Variants in PAPPA observed in about 807,000 individuals in gnomAD.
PAPPA encodes pappalysin-1.
A neutral mutation model predicts 164.0 loss-of-function variants in PAPPA; 60 were observed. That is an observed-to-expected ratio of 0.37 (90% CI 0.30 to 0.45). The LOEUF (loss-of-function observed/expected upper bound fraction) is 0.45, where lower values mean the gene tolerates loss of function less well. Ranked by LOEUF, PAPPA falls within the 20% of genes least tolerant of loss-of-function variation. The pLI, the probability that PAPPA is intolerant of heterozygous loss-of-function variation, is 1.00. For missense variants in PAPPA, 1,782 were observed against 2,087.3 expected (o/e 0.85, Z 2.85); for synonymous variants, 875 against 814.1 (o/e 1.07, Z -1.27).
chr9:116,231,804 C>T (rs553190706), intron 6 of PAPPA, among the ~76,000 whole-genome samples: 1 of 122,290 alleles, frequency 8.2e-6, no homozygotes, highest in African/African-American at 3.1e-5. Flanking sequence ...TATTGTTGCC[C>T]AGGCTGGAGT....
Position 116,187,631 on chromosome 9 carries a change from C to G in PAPPA, c.893C>G (p.Ser298Cys), listed in dbSNP as rs372065878. Residue 298 changes from serine (S) to cysteine (C), a missense_variant, in exon 2 of 22, where the codon TCC becomes TGC. Physicochemically the swap from Ser to Cys is moderately radical, Grantham distance 112. Transcript: ENST00000328252. This position sits in a 1 kb window ranked among gnomAD's most constrained non-coding sequence, Gnocchi z 4.2. ...ENWDNVKHAW[S>C]PMKDGSSPKV... ...TGGGACAATGTGAAGCATGCCTGGT[C>G]CCCCATGAAGGATGGCAGCAGCCCC... 6.2e-7 allele frequency: 1 copy of G among 1,614,174 alleles called. No individual in the cohort carries two copies. Among genetic ancestry groups the G allele is most frequent in the South Asian group, 1.1e-5 (1 of 91,086 alleles).
chr9:116,245,569 T>G (rs1285608019), intron 7 of PAPPA, among the ~76,000 whole-genome samples: 1 of 152,162 alleles, frequency 6.6e-6, no homozygotes, highest in African/African-American at 2.4e-5. Flanking sequence ...CAACAGGACT[T>G]GGTGATAGAT....
chr9:116,284,444 C>T (rs1432769242), intron 9 of PAPPA, among the ~76,000 whole-genome samples: 1 of 151,744 alleles, frequency 6.6e-6, no homozygotes, highest in East Asian at 1.9e-4. Flanking sequence ...CTTTCACCTA[C>T]TCTTTAAGTA....
intron 10 of PAPPA, among the ~76,000 whole-genome samples, chr9:116,324,009 T>G (rs530825142): frequency 6.6e-6 from 1 of 152,264 alleles, no homozygotes; most frequent in Admixed American, 6.5e-5. Context: ...AAAAGGCCTG[T>G]TTTGGTCTGT....
intron 6 of PAPPA, among the ~76,000 whole-genome samples, chr9:116,227,956 G>A (rs756506800): frequency 4.6e-4 from 70 of 152,082 alleles, no homozygotes; most frequent in South Asian, 2.1e-4. Flanking sequence ...TTCTTCTTCT[G>A]TTATTTCTTA....
chr9:116,314,666 C>A (rs1250133922), intron 10 of PAPPA, among the ~76,000 whole-genome samples: 4 of 152,174 alleles, frequency 2.6e-5, no homozygotes, highest in African/African-American at 9.7e-5. Flanking sequence ...ACGTTCCAGG[C>A]AGTATGGACC....
intron 5 of PAPPA, among the ~76,000 whole-genome samples, chr9:116,221,266 T>C (rs1320575356): frequency 6.6e-6 from 1 of 152,214 alleles, no homozygotes; most frequent in African/African-American, 2.4e-5. Context: ...CCAAGGTATT[T>C]GCATCTATTT....
chr9:116,366,325 T>C (rs887534705), intron 18 of PAPPA, among the ~76,000 whole-genome samples: 2 of 152,118 alleles, frequency 1.3e-5, no homozygotes, highest in Non-Finnish European at 2.9e-5. Context: ...AGCCTGGAAG[T>C]CAACTGTCTT....
At position 116,219,996 on chromosome 9, in the gene PAPPA, G is replaced by A. The variant is rs780953351; in HGVS notation, c.1978G>A (p.Asp660Asn). ...AGTCGCCAGAATGCACTGTTACCTGGACCTGGTCTACCAGGGCTGGCAGCC... is the reference window on the plus strand; with the variant it reads ...AGTCGCCAGAATGCACTGTTACCTGAACCTGGTCTACCAGGGCTGGCAGCC... The part of the protein sequence containing the change: ...NQVARMHCYL[D>N]LVYQGWQPSR... The change falls in exon 5 of 22, where the codon GAC becomes AAC. Residue 660 changes from aspartate (D) to asparagine (N), a missense_variant. Physicochemically the swap from Asp to Asn is conservative, Grantham distance 23. This residue lies in a region of PAPPA where 1,324 missense variants were observed against 1,656.9 expected (regional missense o/e 0.80). Coordinates refer to ENST00000328252, the MANE Select transcript of PAPPA (RefSeq NM_002581.5). 6.2e-7 allele frequency: 1 copy of A among 1,614,062 alleles called. No individual in the cohort carries two copies. The highest frequency in any genetic ancestry group is 8.5e-7 in the Non-Finnish European group (1 of 1,180,026).
At chr9:116,252,056 T>A (rs1166276466) in intron 7 of PAPPA, among the ~76,000 whole-genome samples, 1 of 152,196 alleles carries the variant, frequency 6.6e-6, no homozygotes, top group Non-Finnish European at 1.5e-5. Flanking sequence ...TAAAACAAAA[T>A]AACAAAGGCC....
chr9:116,198,900 C>T (rs1054551764), intron 2 of PAPPA, among the ~76,000 whole-genome samples: 4 of 152,014 alleles, frequency 2.6e-5, no homozygotes, highest in Non-Finnish European at 5.9e-5. Context: ...TATGAGGGAC[C>T]TCATACATGG....
At chr9:116,385,650 G>A (rs899104608) in intron 21 of PAPPA, among the ~76,000 whole-genome samples, 1 of 152,118 alleles carries the variant, frequency 6.6e-6, no homozygotes, top group Admixed American at 6.5e-5. Context: ...TTTCCTCCTT[G>A]TCTACCCACA....
In PAPPA at chr9:116,347,111, A is replaced by G; in HGVS notation, c.3866A>G (p.Asp1289Gly). 1.2e-6 allele frequency: 2 copies of G among 1,614,148 alleles called. No individual in the cohort carries two copies. The highest frequency in any genetic ancestry group is 8.5e-7 in the Non-Finnish European group (1 of 1,179,986). The change falls in exon 15 of 22, where the codon GAT becomes GGT. Residue 1289 changes from aspartate to glycine, a missense_variant. By Grantham distance (94) the Asp-to-Gly change is moderately conservative (BLOSUM62 -1). Transcript: ENST00000328252. This position sits in a 1 kb window ranked among gnomAD's most constrained non-coding sequence, Gnocchi z 4.5. ...GAGCCAGTCGACTGCAGCATCCCAG[A>G]TCACCATCAAGTCTATGCTGCCTCC... ...ACEPVDCSIP[D>G]HHQVYAASFS...
intron 21 of PAPPA, among the ~76,000 whole-genome samples, chr9:116,390,868 T>A (rs1180805929): frequency 6.6e-6 from 1 of 152,124 alleles, no homozygotes; most frequent in Non-Finnish European, 1.5e-5. Flanking sequence ...GTCAAAACCA[T>A]CACCACCATC....
At chr9:116,380,615 T>C (rs1846718565) in intron 20 of PAPPA, among the ~76,000 whole-genome samples, 1 of 152,246 alleles carries the variant, frequency 6.6e-6, no homozygotes, top group Admixed American at 6.5e-5. Context: ...TGTTTGTTTA[T>C]ACCCCACTGC....
In PAPPA at chr9:116,334,893, C is replaced by G; in HGVS notation, c.3430C>G (p.Leu1144Val). 6.2e-7 allele frequency: 1 copy of G among 1,613,984 alleles called. No individual in the cohort carries two copies. The highest frequency in any genetic ancestry group is 8.5e-7 in the Non-Finnish European group (1 of 1,179,902). The change falls in exon 13 of 22, where the codon CTG (leucine) becomes GTG (valine). Residue 1144 changes from leucine to valine, a missense_variant. This residue lies in a region of PAPPA where 1,324 missense variants were observed against 1,656.9 expected (regional missense o/e 0.80). Coordinates refer to ENST00000328252, the MANE Select transcript of PAPPA (RefSeq NM_002581.5). ...LHVLSCRNNP[L>V]IIPVVHDLSQ... Reference sequence around the variant, plus strand: ...TGTCCTGAGCTGCAGGAACAATCCCCTGATTATCCCTGTGGTCCATGACCT... The same window carrying G: ...TGTCCTGAGCTGCAGGAACAATCCCGTGATTATCCCTGTGGTCCATGACCT...
At chr9:116,242,918 G>A (rs569819940) in intron 7 of PAPPA, among the ~76,000 whole-genome samples, 2 of 152,196 alleles carry the variant, frequency 1.3e-5, no homozygotes, top group East Asian at 3.9e-4. Flanking sequence ...TCTGTTATGT[G>A]CTCTTAAGTA....
rs79894653 is a variant in PAPPA, at chr9:116,361,681, T to C, written c.4348-911T>C. The stretch of plus-strand genomic sequence containing the variant: ...TTGTGTACTCACAGCACTGGTGTGA[T>C]ATTTGCCCTGCCTCACTGAACACAG... On this transcript the variant is annotated intron_variant, in intron 17 of 21. Transcript: ENST00000328252. 3.2e-3 allele frequency among the ~76,000 whole-genome samples: 493 copies of C among 152,290 alleles called. 16 individuals carry two copies. In the South Asian group the frequency reaches 0.068, roughly 21 times the overall value.
intron 15 of PAPPA, among the ~76,000 whole-genome samples, 197 bp from the exon 16 acceptor site, chr9:116,352,509 C>T (rs1846295860): frequency 6.6e-6 from 1 of 152,074 alleles, no homozygotes; most frequent in Non-Finnish European, 1.5e-5. Flanking sequence ...GTAATTCACT[C>T]CCCCCATTTA....
Sources: gnomAD v4.1 joint callset for allele counts (sites outside exome capture counted in the v4.1 genomes callset) on GRCh38, gnomAD v4.1.1 for gene constraint, gnomAD v4.1.1 regional missense constraint, Gnocchi (gnomAD v3.1) non-coding constraint, MANE v1.5 for transcripts, NCBI Gene and HGNC (gene_info 2026-07-23, HGNC 2026-07-21) for gene names.